ITGA2: variants seen among roughly 807,000 people sequenced by gnomAD.
The protein encoded by ITGA2 is integrin alpha-2.
ITGA2 carries 101 observed loss-of-function variants against 146.3 expected under a neutral mutation model. The ratio of observed to expected loss-of-function variants is 0.69; its 90% CI spans 0.59 to 0.81. ITGA2 has a LOEUF of 0.81. Ranked by LOEUF, ITGA2 falls within the 40% of genes least tolerant of loss-of-function variation. The pLI is 0.00. For missense variants in ITGA2, 1,281 were observed against 1,402.7 expected, an observed-to-expected ratio of 0.91 and a Z score of 1.39; for synonymous variants, 477 against 487.1, an observed-to-expected ratio of 0.98 and a Z score of 0.27.
At chr5:53,009,142 C>T (rs1741998175) in intron 1 of ITGA2, among the ~76,000 whole-genome samples, 1 of 152,080 alleles carries the variant, frequency 6.6e-6, no homozygotes, top group Admixed American at 6.6e-5. Context: ...ATTATCTCAC[C>T]CCTCAATATT....
At chr5:53,031,506 A>G (rs1487481889) in intron 2 of ITGA2, among the ~76,000 whole-genome samples, 2 of 152,134 alleles carry the variant, frequency 1.3e-5, no homozygotes, top group African/African-American at 2.4e-5. Flanking sequence ...TTAAAGTACA[A>G]TTTTAGCTCT....
Position 53,062,810 on chromosome 5 carries a change from C to T in ITGA2, c.1483C>T (p.Leu495=). The T allele has an allele frequency of 6.2e-7, 1 of 1,611,562 alleles. No individual in the cohort carries two copies. ...DQIGSYFGSV[L]CSVDVDKDTI... ...GATTGGCTCCTATTTTGGTAGTGTGCTGTGTTCAGTTGATGTGGATAAAGA... is the reference window on the plus strand; with the variant it reads ...GATTGGCTCCTATTTTGGTAGTGTGTTGTGTTCAGTTGATGTGGATAAAGA... The change falls in exon 13 of 30, where the codon CTG becomes TTG. Residue 495 remains leucine, a synonymous_variant. Coordinates refer to ENST00000296585, the MANE Select transcript of ITGA2 (RefSeq NM_002203.4).
At position 52,989,412 on chromosome 5, in the gene ITGA2, A is replaced by G. The variant is rs993010653; in HGVS notation, c.-57A>G. ...GTTCTCGTATCCCTCGGCCAAGGGTATCCTCTGCAAACCTCTGCAAACCCA... is the reference window on the plus strand; with the variant it reads ...GTTCTCGTATCCCTCGGCCAAGGGTGTCCTCTGCAAACCTCTGCAAACCCA... On this transcript the variant is annotated 5_prime_UTR_variant, in exon 1 of 30. Coordinates refer to ENST00000296585, the MANE Select transcript of ITGA2 (RefSeq NM_002203.4). 1 of 1,564,660 alleles carries G rather than the reference A, an allele frequency of 6.4e-7. No individual in the cohort carries two copies. The highest frequency in any genetic ancestry group is 8.8e-7 in the Non-Finnish European group (1 of 1,134,914).
At chr5:53,014,637 C>T (rs946165427) in intron 1 of ITGA2, among the ~76,000 whole-genome samples, 17 of 152,254 alleles carry the variant, frequency 1.1e-4, no homozygotes, top group Admixed American at 7.8e-4. Flanking sequence ...AGGAGTCCCT[C>T]CTCCTCAATT....
chr5:52,992,723 T>C (rs1741037745), intron 1 of ITGA2, among the ~76,000 whole-genome samples: 1 of 152,218 alleles, frequency 6.6e-6, no homozygotes, highest in African/African-American at 2.4e-5. Context: ...TTTTCACTAA[T>C]GATATCTTTC....
chr5:53,078,509 T>A (rs530650704), intron 23 of ITGA2, among the ~76,000 whole-genome samples: 2 of 152,270 alleles, frequency 1.3e-5, no homozygotes, highest in East Asian at 3.9e-4. Context: ...ATTTAGAAAC[T>A]TGAGAATTGG....
chr5:53,087,123 C>T, intron 28 of ITGA2, 82 bp downstream of exon 28: 1 of 903,352 alleles, frequency 1.1e-6, no homozygotes, highest in South Asian at 1.3e-5. Context: ...AGTCACTCTT[C>T]TTACCTACAT....
In ITGA2 at chr5:53,058,982, C is replaced by G. The variant is rs184705650; in HGVS notation, c.1173+881C>G. ...AGTCCCTCAATTTACTACAGTCATTCACATAACTTCATGGTCTCTTATCCT... is the reference window on the plus strand; with the variant it reads ...AGTCCCTCAATTTACTACAGTCATTGACATAACTTCATGGTCTCTTATCCT... On this transcript the variant is annotated intron_variant, in intron 10 of 29. Coordinates refer to ENST00000296585, the MANE Select transcript of ITGA2 (RefSeq NM_002203.4). Among the ~76,000 whole-genome samples, 256 of 152,080 alleles carry G rather than the reference C, an allele frequency of 1.7e-3. 2 individuals carry two copies. The highest frequency in any genetic ancestry group is 5.6e-3 in the African/African-American group (233 of 41,540).
intron 16 of ITGA2, among the ~76,000 whole-genome samples, chr5:53,069,145 G>C (rs545074178): frequency 6.6e-6 from 1 of 151,872 alleles, no homozygotes; most frequent in East Asian, 1.9e-4. Context: ...AAGTAAGATA[G>C]AATAACCCCA....
At chr5:53,082,975 A>AT (rs1254716465) in intron 26 of ITGA2, among the ~76,000 whole-genome samples, 2 of 151,864 alleles carry the variant, frequency 1.3e-5, no homozygotes, top group Non-Finnish European at 2.9e-5. Context: ...TAACTAGTAC[A>AT]TTGTTGCTAA....
At chr5:53,059,810 A>G (rs898300490) in intron 10 of ITGA2, 64 bp from the exon 11 acceptor site, 1 of 1,457,984 alleles carries the variant, frequency 6.9e-7, no homozygotes, top group African/African-American at 1.4e-5. Context: ...TGTTTTGCCT[A>G]CCCTGCATTC....
Position 53,070,181 on chromosome 5 carries a change from A to C in ITGA2, c.2156A>C (p.Glu719Ala). ...GTAACCTCCAGGGGGTTATTTAAAG[A>C]AAACAATGAAAGGTGCCTGCAGAAG... The part of the protein sequence containing the change: ...SRVTSRGLFK[E>A]NNERCLQKNM... Residue 719 changes from glutamate (E) to alanine (A), a missense_variant, in exon 17 of 30, where the codon GAA becomes GCA. Glu to Ala is a moderately radical substitution (Grantham distance 107). Transcript: ENST00000296585. 1 of 1,612,026 alleles carries C rather than the reference A, an allele frequency of 6.2e-7. No individual in the cohort carries two copies. The highest frequency in any genetic ancestry group is 8.5e-7 in the Non-Finnish European group (1 of 1,178,696).
intron 28 of ITGA2, among the ~76,000 whole-genome samples, chr5:53,088,685 CAA>C (rs5867861): frequency 8.6e-4 from 91 of 105,874 alleles, no homozygotes; most frequent in South Asian, 2.5e-3. Flanking sequence ...GACTCTGTCT[CAA>C]AAAAAAAAAA....
chr5:53,058,884 C>T (rs961627001), intron 10 of ITGA2, among the ~76,000 whole-genome samples: 5 of 151,860 alleles, frequency 3.3e-5, no homozygotes, highest in Admixed American at 6.6e-5. Context: ...AATCTATGCA[C>T]GGAGAATTTT....
At chr5:52,995,235 A>G (rs1741177081) in intron 1 of ITGA2, among the ~76,000 whole-genome samples, 1 of 152,318 alleles carries the variant, frequency 6.6e-6, no homozygotes, top group African/African-American at 2.4e-5. Context: ...TATCCTGAGA[A>G]CAGTAGAAAG....
chr5:53,001,196 C>A (rs1471483642), intron 1 of ITGA2, among the ~76,000 whole-genome samples: 1 of 152,096 alleles, frequency 6.6e-6, no homozygotes, highest in African/African-American at 2.4e-5. Flanking sequence ...GCCACCACAC[C>A]CAGCAATAAA....
In ITGA2 at chr5:53,080,555, C is replaced by A. The variant is rs1745873913; in HGVS notation, c.2973C>A (p.Ile991=). Residue 991 remains isoleucine, a synonymous_variant, in exon 25 of 30, where the codon ATC becomes ATA. Transcript: ENST00000296585. ...SVPVSMATVI[I]HIPQYTKEKN... ...CAGTAAGCATGGCAACTGTAATCAT[C>A]CACATCCCTCAGTATACCAAAGAAA... is the stretch of plus-strand genomic sequence containing the variant. The A allele has an allele frequency of 1.2e-6, 2 of 1,613,658 alleles. No individual in the cohort carries two copies. The highest frequency in any genetic ancestry group is 2.2e-5 in the East Asian group (1 of 44,842).
chr5:53,014,641 C>T, intron 1 of ITGA2, among the ~76,000 whole-genome samples: 1 of 152,024 alleles, frequency 6.6e-6, no homozygotes, highest in Non-Finnish European at 1.5e-5. Context: ...GTCCCTCCTC[C>T]TCAATTTTTT....
At position 53,094,264 on chromosome 5, in the gene ITGA2, AGGTGAAT is replaced by A. The variant is rs1472504470; in HGVS notation, c.*3667_*3673del. ...TTGAAAGGTTAATTTAAACCTCTAG[AGGTGAAT>A]GAGAAACATGGGGGAAAAGTATGAA... On this transcript the variant is annotated 3_prime_UTR_variant, in exon 30 of 30. Transcript: ENST00000296585. The A allele has an allele frequency of 1.1e-4, 16 of 152,240 alleles. No homozygotes were observed. The East Asian group carries it at 3.1e-3, about 29-fold the overall frequency. 9.4% of individuals were successfully genotyped at this position (152,240 alleles called of 1,614,324 possible).
Sources: gnomAD v4.1 joint callset for allele counts (sites outside exome capture counted in the v4.1 genomes callset) on GRCh38, gnomAD v4.1.1 for gene constraint, MANE v1.5 for transcripts, NCBI Gene and HGNC (gene_info 2026-07-23, HGNC 2026-07-21) for gene names.